Variants in RELL1 observed in about 807,000 individuals in gnomAD.
The protein encoded by RELL1 is RELT like 1.
Under a neutral mutation model 23.0 loss-of-function variants are expected in RELL1, and 10 were observed. The observed-to-expected ratio is 0.43, with a 90% CI of 0.27 to 0.74. The LOEUF (loss-of-function observed/expected upper bound fraction) is 0.74. Ranked by LOEUF, RELL1 falls within the 30% of genes least tolerant of loss-of-function variation. RELL1 has a pLI of 0.19. For missense variants in RELL1, 315 were observed against 364.4 expected (o/e 0.86, Z 1.10); for synonymous variants, 146 against 146.8 (o/e 0.99, Z 0.04).
intron 3 of RELL1, among the ~76,000 whole-genome samples, chr4:37,643,158 CAG>C (rs1333150275): frequency 6.6e-6 from 1 of 152,176 alleles, no homozygotes; most frequent in African/African-American, 2.4e-5. Flanking sequence ...TCTAGGTAGA[CAG>C]AGTCAGAACT....
At chr4:37,666,197 G>A (rs977844656) in intron 1 of RELL1, among the ~76,000 whole-genome samples, 1 of 152,176 alleles carries the variant, frequency 6.6e-6, no homozygotes, top group African/African-American at 2.4e-5. Flanking sequence ...ACCCATCTTA[G>A]AAATGGAGAT....
At chr4:37,657,831 G>A (rs760283221) in intron 1 of RELL1, among the ~76,000 whole-genome samples, 4 of 152,156 alleles carry the variant, frequency 2.6e-5, no homozygotes, top group Non-Finnish European at 4.4e-5. Context: ...AGGATCAAAT[G>A]AGGCCAGGAG....
At chr4:37,637,448 T>C (rs1476165654) in intron 4 of RELL1, among the ~76,000 whole-genome samples, 2 of 152,256 alleles carry the variant, frequency 1.3e-5, no homozygotes, top group Non-Finnish European at 2.9e-5. Flanking sequence ...CAGGCTATCA[T>C]GATGTGGTGA....
chr4:37,668,419 T>C (rs1721621026), intron 1 of RELL1, among the ~76,000 whole-genome samples: 1 of 152,166 alleles, frequency 6.6e-6, no homozygotes, highest in Admixed American at 6.5e-5. Context: ...GGTTTCGCTG[T>C]GTTGGCCAGG....
chr4:37,673,186 C>CTTTTTTTTTTTTTTTTTTTTTTT lies in RELL1; in HGVS notation c.88+13013_88+13014insAAAAAAAAAAAAAAAAAAAAAAA, dbSNP rs71189095. Among the ~76,000 whole-genome samples, 13 of 93,190 alleles carry CTTTTTTTTTTTTTTTTTTTTTTT rather than the reference C, an allele frequency of 1.4e-4. 1 individual carries two copies. The highest frequency in any genetic ancestry group is 2.1e-4 in the Non-Finnish European group (11 of 52,802). The allele number at this position is 93,190 out of a possible 152,430, so 61.1% of individuals were successfully genotyped here. ...CATCAAGACTATATACTTTTTTTTT[C>CTTTTTTTTTTTTTTTTTTTTTTT]TTTTTTTTTTTTTTTTTTTTTGAGA... is the stretch of plus-strand genomic sequence containing the variant. On this transcript the variant is annotated intron_variant, in intron 1 of 6. Coordinates refer to ENST00000454158, the MANE Select transcript of RELL1 (RefSeq NM_001085400.2).
intron 6 of RELL1, among the ~76,000 whole-genome samples, chr4:37,618,717 T>C (rs1241938903): frequency 6.6e-6 from 1 of 152,222 alleles, no homozygotes; most frequent in Non-Finnish European, 1.5e-5. Flanking sequence ...TATTTATTAA[T>C]TGGAATAATT....
chr4:37,603,262 C>T (rs528485167), intron 6 of RELL1, among the ~76,000 whole-genome samples: 1 of 152,312 alleles, frequency 6.6e-6, no homozygotes, highest in South Asian at 2.1e-4. Context: ...GGCAGCCACA[C>T]CACCCCCTGG....
At chr4:37,587,696 C>G (rs1408673388), downstream of RELL1, among the ~76,000 whole-genome samples, 1 of 152,178 alleles carries the variant, frequency 6.6e-6, no homozygotes, top group Non-Finnish European at 1.5e-5. Context: ...AGGCCCGTCA[C>G]AGTGGCTCAT....
In RELL1 at chr4:37,686,274, G is replaced by C. The variant is rs749183741; in HGVS notation, c.14C>G (p.Ala5Gly). 1 of 1,536,496 alleles carries C rather than the reference G, an allele frequency of 6.5e-7. No individual in the cohort carries two copies. The highest frequency in any genetic ancestry group is 1.2e-5 in the South Asian group (1 of 83,846). Residue 5 changes from alanine (A) to glycine (G), a missense_variant, in exon 1 of 7, where the codon GCA (alanine) becomes GGA (glycine). By Grantham distance (60) the Ala-to-Gly change is moderately conservative. Coordinates refer to ENST00000454158, the MANE Select transcript of RELL1 (RefSeq NM_001085400.2). Reference protein sequence around the residue: MAPRALPGSAVLAAA... With the variant: MAPRGLPGSAVLAAA... Reference sequence around the variant, plus strand: ...GGCTAGGACGGCGGACCCCGGGAGTGCCCGCGGAGCCATCGCCGCGTCGCT... The same window carrying C: ...GGCTAGGACGGCGGACCCCGGGAGTCCCCGCGGAGCCATCGCCGCGTCGCT...
intron 1 of RELL1, among the ~76,000 whole-genome samples, chr4:37,675,034 T>C (rs549797412): frequency 1.3e-5 from 2 of 152,354 alleles, no homozygotes; most frequent in South Asian, 2.1e-4. Context: ...ATCTCCCTCA[T>C]GCCAAAATTT....
intron 5 of RELL1, 26 bp from the exon 6 acceptor site, chr4:37,631,549 T>C (rs1431979825): frequency 3.1e-6 from 5 of 1,609,114 alleles, no homozygotes; most frequent in South Asian, 1.1e-5. Flanking sequence ...GGAGAGGTGA[T>C]GGGGTTTGCT....
chr4:37,635,052 C>T lies in RELL1; in HGVS notation c.515G>A (p.Gly172Glu). The T allele has an allele frequency of 6.2e-7, 1 of 1,614,224 alleles. No individual in the cohort carries two copies. The highest frequency in any genetic ancestry group is 8.5e-7 in the Non-Finnish European group (1 of 1,180,036). ...PGPLSPGGTP[G>E]KHVCGHHLHT... ...CAGATGATGGCCACAGACGTGCTTC[C>T]CTGGCGTCCCCCCTGGTGACAAAGG... The change falls in exon 5 of 7, where the codon GGG becomes GAG. Residue 172 changes from glycine (G) to glutamate (E), a missense_variant. Physicochemically the swap from Gly to Glu is moderately conservative, Grantham distance 98. Transcript: ENST00000454158.
intron 1 of RELL1, among the ~76,000 whole-genome samples, chr4:37,684,192 A>C (rs1341176670): frequency 6.6e-6 from 1 of 152,210 alleles, no homozygotes; most frequent in East Asian, 1.9e-4. Flanking sequence ...CCCTATGCTC[A>C]AGGTACAAAC....
intron 1 of RELL1, among the ~76,000 whole-genome samples, chr4:37,657,103 C>T (rs958104096): frequency 6.6e-6 from 1 of 152,168 alleles, no homozygotes; most frequent in Non-Finnish European, 1.5e-5. Context: ...TTTAACCTTT[C>T]CCTTCTTGGA....
downstream of RELL1, among the ~76,000 whole-genome samples, chr4:37,605,838 AGAAAGAAG>A (rs1326006044): frequency 1.7e-5 from 2 of 121,056 alleles, no homozygotes; most frequent in African/African-American, 2.7e-5. Context: ...AAAGAAAGAA[AGAAAGAAG>A]GAAAAGAAAA....
Position 37,612,331 on chromosome 4 carries a change from A to AAC in RELL1, c.*1014_*1015insGT, listed in dbSNP as rs1719423831. ...TCGCTCAGCTAAAGGTTAAAAAAAA[A>AAC]AAAAAAACAAAAAAAAACAAAAAAC... On this transcript the variant is annotated 3_prime_UTR_variant, in exon 7 of 7. Coordinates refer to ENST00000454158, the MANE Select transcript of RELL1 (RefSeq NM_001085400.2). Among the ~76,000 whole-genome samples, 8 of 24,140 alleles carry AAC rather than the reference A, an allele frequency of 3.3e-4. No individual in the cohort carries two copies. The highest frequency in any genetic ancestry group is 1.2e-3 in the South Asian group (1 of 860). 15.8% of individuals were successfully genotyped at this position (24,140 alleles called of 152,430 possible).
rs896395814 is a variant in RELL1, at chr4:37,612,496, C to T, written c.*850G>A. Among the ~76,000 whole-genome samples, 11 of 151,620 alleles carry T rather than the reference C, an allele frequency of 7.3e-5. No homozygotes were observed. The highest frequency in any genetic ancestry group is 2.1e-4 in the South Asian group (1 of 4,806). ...ACTAAAAATACAAAAATTAGTCGAG[C>T]GTGGTGGTGCATGCCTGTAATCCCA... is the stretch of plus-strand genomic sequence containing the variant. On this transcript the variant is annotated 3_prime_UTR_variant, in exon 7 of 7. Coordinates refer to ENST00000454158, the MANE Select transcript of RELL1 (RefSeq NM_001085400.2).
At chr4:37,679,145 C>G (rs551139692) in intron 1 of RELL1, among the ~76,000 whole-genome samples, 2 of 152,156 alleles carry the variant, frequency 1.3e-5, no homozygotes, top group South Asian at 4.1e-4. Context: ...CAGAAAATCC[C>G]TTGGGTAGAT....
At chr4:37,636,782 G>A (rs1720347164) in intron 4 of RELL1, among the ~76,000 whole-genome samples, 1 of 152,058 alleles carries the variant, frequency 6.6e-6, no homozygotes, top group Non-Finnish European at 1.5e-5. Flanking sequence ...CTGACACCTG[G>A]ACTGTGGCAA....
Sources: allele counts gnomAD v4.1 joint callset (sites outside exome capture counted in the v4.1 genomes callset), GRCh38; gene constraint gnomAD v4.1.1; transcripts MANE v1.5; gene names NCBI Gene and HGNC (gene_info 2026-07-23, HGNC 2026-07-21).